The following EYA1 variants were observed in gnomAD, a reference collection of about 807,000 sequenced individuals.
EYA1 encodes the protein EYA transcriptional coactivator and phosphatase 1.
EYA1 carries 16 observed loss-of-function variants against 82.0 expected under a neutral mutation model. That is an observed-to-expected ratio of 0.20 (90% CI 0.13 to 0.30). The LOEUF is 0.30. Ranked by LOEUF, EYA1 falls within the 10% of genes least tolerant of loss-of-function variation. EYA1 has a pLI of 1.00. For missense variants in EYA1, 633 were observed against 730.7 expected (o/e 0.87, Z 1.54); for synonymous variants, 261 against 264.4 (o/e 0.99, Z 0.12).
At position 71,322,063 on chromosome 8, in the gene EYA1, T is replaced by G. The variant is rs898027902; in HGVS notation, c.272+136A>C. ...CTACATGATGCTCAAAATAAATTTG[T>G]ATCAATATGTTTACATCTCTATGAA... On this transcript the variant is annotated intron_variant, in intron 5 of 17. Coordinates refer to ENST00000340726, the MANE Select transcript of EYA1 (RefSeq NM_000503.6). 5.1e-4 allele frequency: 552 copies of G among 1,086,606 alleles called. 3 individuals carry two copies. Among genetic ancestry groups the G allele is most frequent in the Non-Finnish European group, 6.6e-4 (473 of 718,340 alleles). The allele number at this position is 1,086,606 out of a possible 1,614,324, so 67.3% of individuals were successfully genotyped here.
chr8:71,492,627 G>C (rs1009127242), intron 2 of EYA1, among the ~76,000 whole-genome samples: 7 of 151,974 alleles, frequency 4.6e-5, no homozygotes, highest in African/African-American at 1.5e-4. Flanking sequence ...ACCACGCCTG[G>C]CTAATTTTTT....
At chr8:71,354,650 A>G (rs767332593) in intron 3 of EYA1, 132 bp downstream of exon 3, 154 of 881,888 alleles carry the variant, frequency 1.7e-4, no homozygotes, top group Non-Finnish European at 2.7e-4. Context: ...GGTAAGTCAC[A>G]TTATTACCTA....
intron 4 of EYA1, among the ~76,000 whole-genome samples, chr8:71,331,251 C>T (rs1405719270): frequency 1.4e-5 from 1 of 74,004 alleles, no homozygotes; most frequent in African/African-American, 5.0e-5. Context: ...TAAATACACA[C>T]ACACACACAC....
At chr8:71,209,439 T>A (rs191606422) in intron 17 of EYA1, among the ~76,000 whole-genome samples, 107 of 152,274 alleles carry the variant, frequency 7.0e-4, no homozygotes, top group Admixed American at 3.2e-3. Context: ...CACGTGTGGG[T>A]TTCTACCAGC....
intron 2 of EYA1, among the ~76,000 whole-genome samples, chr8:71,387,766 T>A (rs1433691588): frequency 6.6e-6 from 1 of 152,072 alleles, no homozygotes; most frequent in African/African-American, 2.4e-5. Flanking sequence ...TGGTGGAGAT[T>A]TTCAGCTATC....
In EYA1 at chr8:71,215,363, AAAAAG is replaced by A. The variant is rs1456408880; in HGVS notation, c.1597+19_1597+23del. The A allele has an allele frequency of 6.2e-7, 1 of 1,608,550 alleles. No individual in the cohort carries two copies. The highest frequency in any genetic ancestry group is 1.7e-5 in the Admixed American group (1 of 59,988). ...TCCTGAAGGAAAAGAGCTGATTGTT[AAAAAG>A]AAAAGAAAAGCAGCTCACCTATTTT... is the stretch of plus-strand genomic sequence containing the variant. On this transcript the variant is annotated intron_variant, in intron 16 of 17. Transcript: ENST00000340726.
intron 9 of EYA1, among the ~76,000 whole-genome samples, chr8:71,292,234 C>T (rs757306327): frequency 3.3e-5 from 5 of 151,936 alleles, no homozygotes; most frequent in Non-Finnish European, 7.4e-5. Flanking sequence ...TTACTCTATA[C>T]CTCAGTGGCT....
intron 2 of EYA1, among the ~76,000 whole-genome samples, chr8:71,454,577 C>A (rs13272184): frequency 0.16 from 24,962 of 152,158 alleles, 2,329 homozygotes; most frequent in Non-Finnish European, 0.21. Context: ...GTCTCTCAGA[C>A]CACAGTGCAA....
At chr8:71,396,551 C>G (rs1441258306) in intron 2 of EYA1, among the ~76,000 whole-genome samples, 2 of 152,124 alleles carry the variant, frequency 1.3e-5, no homozygotes, top group African/African-American at 4.8e-5. Flanking sequence ...CGTTATATAG[C>G]CAGTAGTCAT....
chr8:71,525,243 TA>T (rs1309287358), intron 2 of EYA1, among the ~76,000 whole-genome samples: 1 of 152,140 alleles, frequency 6.6e-6, no homozygotes, highest in Non-Finnish European at 1.5e-5. Context: ...ATTAACGTGG[TA>T]AGAATGCAAG....
At position 71,482,091 on chromosome 8, in the gene EYA1, T is replaced by C. The variant is rs150701131; in HGVS notation, c.33+53653A>G. The stretch of plus-strand genomic sequence containing the variant: ...AATTTCTATTTGTCAAAAAACGCCA[T>C]TAAGAAAGTGAAAAAGCAAGTTACA... On this transcript the variant is annotated intron_variant, in intron 2 of 18. Coordinates refer to the EYA1 transcript ENST00000643681. 7.4e-3 allele frequency among the ~76,000 whole-genome samples: 1,126 copies of C among 152,152 alleles called. 19 individuals are homozygous for C. Among genetic ancestry groups the C allele is most frequent in the African/African-American group, 0.026 (1,067 of 41,510 alleles).
intron 2 of EYA1, among the ~76,000 whole-genome samples, chr8:71,449,433 G>A (rs144439971): frequency 2.0e-5 from 3 of 152,172 alleles, no homozygotes; most frequent in Non-Finnish European, 2.9e-5. Context: ...GAGTGACTGG[G>A]AGCATTTCAA....
intron 15 of EYA1, 39 bp downstream of exon 15, chr8:71,215,575 T>C (rs751042008): frequency 2.5e-6 from 4 of 1,610,590 alleles, no homozygotes; most frequent in Non-Finnish European, 2.5e-6. Flanking sequence ...AGCACGAGCA[T>C]TGCCCATTTC....
At chr8:71,526,168 C>A (rs1387344525) in intron 2 of EYA1, among the ~76,000 whole-genome samples, 2 of 151,354 alleles carry the variant, frequency 1.3e-5, no homozygotes, top group East Asian at 3.9e-4. Flanking sequence ...TACAAAAATA[C>A]CCAGTGATAG....
At chr8:71,332,678 G>A (rs185078561) in intron 4 of EYA1, among the ~76,000 whole-genome samples, 3 of 152,084 alleles carry the variant, frequency 2.0e-5, no homozygotes, top group East Asian at 3.9e-4. Context: ...ATGACCATGC[G>A]ACCCCTTTCC....
intron 12 of EYA1, among the ~76,000 whole-genome samples, chr8:71,220,117 T>A (rs1229803055): frequency 6.6e-6 from 1 of 152,196 alleles, no homozygotes; most frequent in Non-Finnish European, 1.5e-5. Flanking sequence ...AAATGGAAGC[T>A]TAATATATTT....
intron 12 of EYA1, among the ~76,000 whole-genome samples, chr8:71,227,223 C>A (rs1810668688): frequency 6.6e-6 from 1 of 151,962 alleles, no homozygotes. Flanking sequence ...TAAGAATGAG[C>A]CTTTGATTTA....
intron 2 of EYA1, among the ~76,000 whole-genome samples, chr8:71,469,081 T>C (rs556639892): frequency 2.4e-4 from 36 of 152,204 alleles, no homozygotes; most frequent in African/African-American, 8.4e-4. Context: ...CAAATGTTCA[T>C]TCATTTATTC....
At chr8:71,224,309 T>A (rs920936784) in intron 12 of EYA1, among the ~76,000 whole-genome samples, 10 of 152,254 alleles carry the variant, frequency 6.6e-5, no homozygotes, top group Non-Finnish European at 1.3e-4. Context: ...ATTGTTTCAA[T>A]ACTTTCAATA....
Sources: gnomAD v4.1 joint callset for allele counts (sites outside exome capture counted in the v4.1 genomes callset) on GRCh38, gnomAD v4.1.1 for gene constraint, MANE v1.5 for transcripts, NCBI Gene and HGNC (gene_info 2026-07-23, HGNC 2026-07-21) for gene names.